Variants in NKAIN2 observed in about 807,000 individuals in gnomAD.
NKAIN2 encodes sodium/potassium transporting ATPase interacting 2, also known as sodium/potassium-transporting ATPase subunit beta-1-interacting protein 2.
A neutral mutation model predicts 32.6 loss-of-function variants in NKAIN2; 14 were observed. The ratio of observed to expected loss-of-function variants is 0.43; its 90% CI spans 0.28 to 0.67. The LOEUF is 0.67. Among genes scored for constraint, NKAIN2 ranks in the 30% least tolerant of loss-of-function variants. The probability of loss-of-function intolerance (pLI) is 0.17; values close to 1 mark genes in which losing one functional copy is unlikely to be tolerated. For missense variants in NKAIN2, 198 were observed against 258.3 expected, an observed-to-expected ratio of 0.77 and a Z score of 1.60; for synonymous variants, 80 against 87.2, an observed-to-expected ratio of 0.92 and a Z score of 0.46.
At position 124,528,954 on chromosome 6, in the gene NKAIN2, A is replaced by G. The variant is rs545345945; in HGVS notation, c.274-129232A>G. On this transcript the variant is annotated intron_variant, in intron 3 of 6. Transcript: ENST00000368417. ...CAGTTAGAAACATTTATTTAGGAAT[A>G]AAGCTACAGCTTCTTTGAATTTTAA... Among the ~76,000 whole-genome samples the G allele has an allele frequency of 1.4e-3, 213 of 152,320 alleles. 1 individual carries two copies. The highest frequency in any genetic ancestry group is 4.8e-3 in the African/African-American group (200 of 41,570).
At chr6:124,460,731 T>C (rs1330279989) in intron 3 of NKAIN2, among the ~76,000 whole-genome samples, 1 of 151,716 alleles carries the variant, frequency 6.6e-6, no homozygotes. Context: ...AAATTTGGCT[T>C]ACTACTTGAA....
At chr6:124,148,973 A>C (rs755988003) in intron 1 of NKAIN2, among the ~76,000 whole-genome samples, 1 of 152,224 alleles carries the variant, frequency 6.6e-6, no homozygotes, top group African/African-American at 2.4e-5. Flanking sequence ...AACACTTGTT[A>C]TTGTCTTTTA....
chr6:124,418,708 T>C (rs1039077879), intron 3 of NKAIN2, among the ~76,000 whole-genome samples: 1 of 151,446 alleles, frequency 6.6e-6, no homozygotes, highest in Non-Finnish European at 1.5e-5. Context: ...TCTTACACCT[T>C]GTGTCCAAGA....
intron 4 of NKAIN2, among the ~76,000 whole-genome samples, chr6:124,739,838 C>A (rs1475387679): frequency 6.6e-6 from 1 of 151,844 alleles, no homozygotes; most frequent in Non-Finnish European, 1.5e-5. Flanking sequence ...ATTTATAGGG[C>A]ATCTAAAGAA....
chr6:124,631,942 T>C (rs980761799), intron 3 of NKAIN2, among the ~76,000 whole-genome samples: 12 of 152,136 alleles, frequency 7.9e-5, no homozygotes, highest in African/African-American at 2.4e-4. Context: ...CTTAAGTAAG[T>C]GTATGAGATT....
At chr6:124,319,943 C>T (rs1377807460) in intron 2 of NKAIN2, among the ~76,000 whole-genome samples, 1 of 151,980 alleles carries the variant, frequency 6.6e-6, no homozygotes, top group African/African-American at 2.4e-5. Flanking sequence ...TAAATTAAGC[C>T]ACAGTTTTAA....
intron 3 of NKAIN2, among the ~76,000 whole-genome samples, chr6:124,368,428 C>T (rs1799612930): frequency 6.6e-6 from 1 of 152,056 alleles, no homozygotes; most frequent in Non-Finnish European, 1.5e-5. Context: ...ACATCTTTTA[C>T]TATTCCTAAA....
intron 1 of NKAIN2, among the ~76,000 whole-genome samples, chr6:124,043,079 G>T (rs757132975): frequency 3.3e-5 from 5 of 151,952 alleles, no homozygotes; most frequent in Non-Finnish European, 4.4e-5. Context: ...GATTTCTCAG[G>T]CTGGGGGCAG....
intron 1 of NKAIN2, among the ~76,000 whole-genome samples, chr6:124,276,002 T>C (rs1411741468): frequency 6.6e-6 from 1 of 152,006 alleles, no homozygotes; most frequent in African/African-American, 2.4e-5. Flanking sequence ...AGTCACATAG[T>C]GGTTAGAATT....
At chr6:124,037,002 C>T (rs1781630419) in intron 1 of NKAIN2, among the ~76,000 whole-genome samples, 1 of 152,096 alleles carries the variant, frequency 6.6e-6, no homozygotes, top group African/African-American at 2.4e-5. Flanking sequence ...CGAGAGAACA[C>T]TAGTCAGGTT....
intron 2 of NKAIN2, among the ~76,000 whole-genome samples, chr6:124,351,521 A>G (rs936778308): frequency 6.6e-5 from 10 of 151,692 alleles, no homozygotes; most frequent in Non-Finnish European, 2.9e-5. Flanking sequence ...AAAAAAAAAA[A>G]AAAGAAAAGA....
At chr6:124,037,274 A>G (rs1781645838) in intron 1 of NKAIN2, among the ~76,000 whole-genome samples, 1 of 152,158 alleles carries the variant, frequency 6.6e-6, no homozygotes, top group African/African-American at 2.4e-5. Flanking sequence ...GTTTTTTGCC[A>G]TACTGTGTTA....
rs1365506105 is a variant in NKAIN2 at position 124,068,633 on chromosome 6, A to G, written c.55-214372A>G. ...GCTATAGGAGAGCCTAGCCGTGGCTAGCAGAGCAAGTAGTTGGGTTGGTGG... is the reference window on the plus strand; with the variant it reads ...GCTATAGGAGAGCCTAGCCGTGGCTGGCAGAGCAAGTAGTTGGGTTGGTGG... On this transcript the variant is annotated intron_variant, in intron 1 of 6. Transcript: ENST00000368417. 2.6e-5 allele frequency among the ~76,000 whole-genome samples: 4 copies of G among 152,162 alleles called. No individual in the cohort carries two copies. The East Asian group carries it at 7.8e-4, about 30-fold the overall frequency.
chr6:124,415,615 A>C (rs1234477589), intron 3 of NKAIN2, among the ~76,000 whole-genome samples: 1 of 152,074 alleles, frequency 6.6e-6, no homozygotes, highest in Admixed American at 6.5e-5. Flanking sequence ...TTTCTCCTAG[A>C]TGATTGGAGG....
intron 1 of NKAIN2, among the ~76,000 whole-genome samples, chr6:123,978,074 A>C (rs1413661508): frequency 6.6e-6 from 1 of 152,198 alleles, no homozygotes; most frequent in Non-Finnish European, 1.5e-5. Context: ...CCTTTAAGAA[A>C]CACTCCTTTC....
At chr6:123,949,983 T>A (rs1237660307) in intron 1 of NKAIN2, among the ~76,000 whole-genome samples, 1 of 152,040 alleles carries the variant, frequency 6.6e-6, no homozygotes, top group Non-Finnish European at 1.5e-5. Flanking sequence ...TTGCCTAGTT[T>A]GTAGAGAGTT....
chr6:123,803,999 G>A lies in NKAIN2; in HGVS notation c.-202G>A. On this transcript the variant is annotated 5_prime_UTR_variant, in exon 1 of 7. Coordinates refer to ENST00000368417, the MANE Select transcript of NKAIN2 (RefSeq NM_001040214.3). ...AGTGAAGGTATGTGTGGCGGGCGCGGCTGGAGCTGCCGCCGCCGCCGCCGC... is the reference window on the plus strand; with the variant it reads ...AGTGAAGGTATGTGTGGCGGGCGCGACTGGAGCTGCCGCCGCCGCCGCCGC... 1.7e-6 allele frequency: 1 copy of A among 590,050 alleles called. No individual in the cohort carries two copies. The highest frequency in any genetic ancestry group is 3.0e-6 in the Non-Finnish European group (1 of 330,798). The allele number at this position is 590,050 out of a possible 1,614,324, so 36.6% of individuals were successfully genotyped here. A position where few individuals can be genotyped will look rare whatever the true frequency, so the allele number is the denominator to read the frequency against.
intron 1 of NKAIN2, among the ~76,000 whole-genome samples, chr6:124,224,154 A>G (rs2114707257): frequency 6.6e-6 from 1 of 152,274 alleles, no homozygotes; most frequent in East Asian, 1.9e-4. Context: ...ATACATTTAC[A>G]TTCATATTAA....
intron 3 of NKAIN2, among the ~76,000 whole-genome samples, chr6:124,395,780 T>G (rs1773350839): frequency 6.6e-6 from 1 of 152,188 alleles, no homozygotes; most frequent in East Asian, 1.9e-4. Flanking sequence ...TGGAAGCATT[T>G]GAATAAATAG....
Sources: allele counts gnomAD v4.1 joint callset (sites outside exome capture counted in the v4.1 genomes callset), GRCh38; gene constraint gnomAD v4.1.1; transcripts MANE v1.5; gene names NCBI Gene and HGNC (gene_info 2026-07-23, HGNC 2026-07-21).